XPO6: variants seen among roughly 807,000 people sequenced by gnomAD.
XPO6 encodes exportin-6.
Under a neutral mutation model 130.0 loss-of-function variants are expected in XPO6, and 3 were observed. The ratio of observed to expected loss-of-function variants is 0.02; its 90% CI spans 0.01 to 0.06. XPO6 has a LOEUF of 0.06. Ranked by LOEUF, XPO6 falls within the 10% of genes least tolerant of loss-of-function variation. XPO6 has a pLI of 1.00. For synonymous variants in XPO6, 524 were observed against 548.9 expected (o/e 0.95, Z 0.63); for missense variants, 970 against 1,393.0 (o/e 0.70, Z 4.83).
At chr16:28,164,013 C>T (rs948945021) in intron 6 of XPO6, among the ~76,000 whole-genome samples, 9 of 152,152 alleles carry the variant, frequency 5.9e-5, no homozygotes, top group Non-Finnish European at 1.3e-4. Flanking sequence ...CACACACACT[C>T]CTTCAAACTT....
At chr16:28,203,105 G>A (rs532835737) in intron 1 of XPO6, among the ~76,000 whole-genome samples, 11 of 152,082 alleles carry the variant, frequency 7.2e-5, no homozygotes, top group African/African-American at 1.4e-4. Context: ...GTGAAACCTC[G>A]TATCTACAAA....
intron 5 of XPO6, among the ~76,000 whole-genome samples, chr16:28,169,370 G>A (rs780472431): frequency 4.5e-4 from 69 of 152,142 alleles, no homozygotes; most frequent in Non-Finnish European, 8.7e-4. Flanking sequence ...CCCAGAACGG[G>A]AAATTTTCAT....
chr16:28,154,206 C>T (rs1333243139), intron 7 of XPO6: 8 of 980,000 alleles, frequency 8.2e-6, no homozygotes, highest in African/African-American at 1.8e-5. Context: ...AAGTCACCAC[C>T]CAGCTGACTG....
At chr16:28,111,627 T>A in intron 17 of XPO6, 190 bp downstream of exon 17, 1 of 549,826 alleles carries the variant, frequency 1.8e-6, no homozygotes, top group Non-Finnish European at 3.2e-6. Flanking sequence ...GAAATAGGTC[T>A]GGCTGCTGTC....
At chr16:28,118,661 T>A (rs1266935603) in intron 14 of XPO6, among the ~76,000 whole-genome samples, 2 of 152,218 alleles carry the variant, frequency 1.3e-5, no homozygotes, top group Non-Finnish European at 2.9e-5. Flanking sequence ...CGGCCTAGCC[T>A]GTTAATCACT....
chr16:28,200,362 T>C (rs1395107699), intron 1 of XPO6, among the ~76,000 whole-genome samples: 2 of 152,242 alleles, frequency 1.3e-5, no homozygotes, highest in African/African-American at 4.8e-5. Context: ...CTATTGCATA[T>C]GCTAAGCCTA....
rs11859192 is a variant in XPO6 at position 28,175,202 on chromosome 16, C to T, written c.405+696G>A. 4.5e-3 allele frequency among the ~76,000 whole-genome samples: 684 copies of T among 152,096 alleles called. 6 individuals carry two copies. The highest frequency in any genetic ancestry group is 0.016 in the African/African-American group (664 of 41,448). The stretch of plus-strand genomic sequence containing the variant: ...CCTCCTGCCCCCATCCCCTGGGTGC[C>T]TCACCTCCACCCACCAGGTCGTCTC... On this transcript the variant is annotated intron_variant, in intron 4 of 23. Coordinates refer to ENST00000304658, the MANE Select transcript of XPO6 (RefSeq NM_015171.4).
intron 17 of XPO6, 46 bp from the exon 18 acceptor site, chr16:28,107,723 A>C: frequency 6.2e-7 from 1 of 1,604,598 alleles, no homozygotes; most frequent in African/African-American, 1.3e-5. Flanking sequence ...CTGGGGAGAA[A>C]GCATGGTAAG....
chr16:28,161,904 G>A (rs891795955), intron 6 of XPO6, among the ~76,000 whole-genome samples: 3 of 152,138 alleles, frequency 2.0e-5, no homozygotes. Flanking sequence ...CAATAAGAAA[G>A]CTAATATTTA....
chr16:28,147,804 G>T (rs993127732), intron 8 of XPO6, among the ~76,000 whole-genome samples: 1 of 152,124 alleles, frequency 6.6e-6, no homozygotes, highest in Non-Finnish European at 1.5e-5. Flanking sequence ...AAAATTAGCC[G>T]AGCATGGCGA....
intron 9 of XPO6, among the ~76,000 whole-genome samples, chr16:28,142,206 C>G (rs900302803): frequency 6.6e-6 from 1 of 152,230 alleles, no homozygotes; most frequent in Admixed American, 6.5e-5. Flanking sequence ...AACATCCCAA[C>G]TTCTCTCTGG....
At chr16:28,114,655 G>C (rs568165206) in intron 15 of XPO6, among the ~76,000 whole-genome samples, 1 of 152,334 alleles carries the variant, frequency 6.6e-6, no homozygotes, top group African/African-American at 2.4e-5. Flanking sequence ...TGACTGAACA[G>C]GGTGGTGGTT....
chr16:28,138,675 A>G (rs1049095934), intron 9 of XPO6, among the ~76,000 whole-genome samples: 6 of 152,112 alleles, frequency 3.9e-5, no homozygotes, highest in South Asian at 4.1e-4. Flanking sequence ...TCCCCTGAAG[A>G]TGGGGGCGGT....
intron 14 of XPO6, 56 bp downstream of exon 14, chr16:28,121,614 G>T: frequency 7.9e-7 from 1 of 1,270,160 alleles, no homozygotes. Context: ...AAATTATTTG[G>T]AGATTGGGGG....
At chr16:28,107,277 A>G (rs2086806700) in intron 18 of XPO6, among the ~76,000 whole-genome samples, 1 of 152,208 alleles carries the variant, frequency 6.6e-6, no homozygotes, top group African/African-American at 2.4e-5. Context: ...AAGCCAAAAA[A>G]GCTCTCTTGC....
intron 4 of XPO6, 142 bp from the exon 5 acceptor site, chr16:28,170,051 G>A: frequency 6.0e-6 from 7 of 1,167,798 alleles, no homozygotes; most frequent in Non-Finnish European, 8.2e-6. Flanking sequence ...ATCACTTAGA[G>A]GCCAGCTCCA....
rs2044069401 is a variant in XPO6, at chr16:28,208,453, T to G, written c.3+2913A>C. 3.3e-5 allele frequency among the ~76,000 whole-genome samples: 5 copies of G among 152,140 alleles called. No individual in the cohort carries two copies. In the South Asian group the frequency reaches 1.0e-3, roughly 32 times the overall value. On this transcript the variant is annotated intron_variant, in intron 1 of 23. Coordinates refer to ENST00000304658, the MANE Select transcript of XPO6 (RefSeq NM_015171.4). The stretch of plus-strand genomic sequence containing the variant: ...TTCCTTACCTTTGGGGGACAGGGCC[T>G]ACCCTACCCAAGCCCCTGACCCTGG...
Position 28,134,046 on chromosome 16 carries a change from AG to A in XPO6, c.1444-114del, listed in dbSNP as rs557342071. 282 of 1,026,530 alleles carry A rather than the reference AG, an allele frequency of 2.7e-4. No homozygotes were observed. The African/African-American group carries it at 4.0e-3, about 15-fold the overall frequency. 63.6% of individuals were successfully genotyped at this position (1,026,530 alleles called of 1,614,324 possible). On this transcript the variant is annotated intron_variant, in intron 10 of 23. Transcript: ENST00000304658. ...TGAAGAAATGGAAAATGATGGAACCAGGTTATCTGGTACTATAAAAAGGCCA... is the reference window on the plus strand; with the variant it reads ...TGAAGAAATGGAAAATGATGGAACCAGTTATCTGGTACTATAAAAAGGCCA...
At position 28,156,146 on chromosome 16, in the gene XPO6, T is replaced by G; in HGVS notation, c.1025A>C (p.Tyr342Ser). 2 of 1,614,022 alleles carry G rather than the reference T, an allele frequency of 1.2e-6. No individual in the cohort carries two copies. Among genetic ancestry groups the G allele is most frequent in the Non-Finnish European group, 1.7e-6 (2 of 1,179,940 alleles). Residue 342 changes from tyrosine to serine, a missense_variant, in exon 7 of 24, where the codon TAC becomes TCC. This residue lies in a region of XPO6 where 936 missense variants were observed against 1,306.8 expected (regional missense o/e 0.72). Coordinates refer to ENST00000304658, the MANE Select transcript of XPO6 (RefSeq NM_015171.4). ...YLLRMFQQTF[Y>S]LLQKITKDNN... ...ATCCTTGGTGATTTTCTGCAGGAGG[T>G]AGAAAGTCTGCTGGAACATACGCAG...
Sources: gnomAD v4.1 joint callset for allele counts (sites outside exome capture counted in the v4.1 genomes callset) on GRCh38, gnomAD v4.1.1 for gene constraint, gnomAD v4.1.1 regional missense constraint, MANE v1.5 for transcripts, NCBI Gene and HGNC (gene_info 2026-07-23, HGNC 2026-07-21) for gene names.